IKZF3: variants seen among roughly 807,000 people sequenced by gnomAD.
IKZF3 encodes IKAROS family zinc finger 3.
A neutral mutation model predicts 49.0 loss-of-function variants in IKZF3; 10 were observed. The ratio of observed to expected loss-of-function variants is 0.20; its 90% CI spans 0.13 to 0.35. IKZF3 has a LOEUF of 0.35. Among genes scored for constraint, IKZF3 ranks in the 10% least tolerant of loss-of-function variants. IKZF3 has a pLI of 1.00. For synonymous variants in IKZF3, 209 were observed against 228.2 expected (o/e 0.92, Z 0.76); for missense variants, 498 against 664.8 (o/e 0.75, Z 2.76).
At chr17:39,846,783 A>C (rs2062645675) in intron 1 of IKZF3, among the ~76,000 whole-genome samples, 1 of 152,120 alleles carries the variant, frequency 6.6e-6, no homozygotes, top group African/African-American at 2.4e-5. Flanking sequence ...AATTAAGAAT[A>C]TTAGCTAACA....
intron 3 of IKZF3, among the ~76,000 whole-genome samples, chr17:39,823,111 T>C (rs566809369): frequency 6.6e-6 from 1 of 152,278 alleles, no homozygotes. Context: ...GTGGGAAAGC[T>C]TGGAACTTCC....
At chr17:39,835,813 C>T in intron 1 of IKZF3, 2 of 531,458 alleles carry the variant, frequency 3.8e-6, no homozygotes, top group East Asian at 4.6e-5. Flanking sequence ...TCATCCACAT[C>T]CTTCTTGATG....
At chr17:39,802,345 A>G (rs972009959) in intron 3 of IKZF3, among the ~76,000 whole-genome samples, 3 of 151,756 alleles carry the variant, frequency 2.0e-5, no homozygotes, top group Non-Finnish European at 4.4e-5. Flanking sequence ...AATAGCTTAC[A>G]TCTGTAACTC....
chr17:39,837,445 CTT>C (rs765376491), intron 1 of IKZF3, among the ~76,000 whole-genome samples: 34 of 137,360 alleles, frequency 2.5e-4, no homozygotes, highest in Admixed American at 4.4e-4. Context: ...TTTCTTAAAA[CTT>C]TTTTTTTTTT....
At position 39,765,070 on chromosome 17, in the gene IKZF3, T is replaced by C. The variant is rs1278401726; in HGVS notation, c.*720A>G. ...TTTCTGGAGTTTCGATGATGGTCTA[T>C]ATTTAAAACCATGAGTTCTTCTGGC... is the stretch of plus-strand genomic sequence containing the variant. On this transcript the variant is annotated 3_prime_UTR_variant, in exon 8 of 8. Transcript: ENST00000346872. 6.6e-6 allele frequency: 1 copy of C among 152,396 alleles called. No homozygotes were observed. Among genetic ancestry groups the C allele is most frequent in the Non-Finnish European group, 1.5e-5 (1 of 68,042 alleles). 9.4% of individuals were successfully genotyped at this position (152,396 alleles called of 1,614,324 possible). A position where few individuals can be genotyped will look rare whatever the true frequency, so the allele number is the denominator to read the frequency against.
At chr17:39,864,013 A>C in intron 1 of IKZF3, 107 bp downstream of exon 1, 12 of 1,435,396 alleles carry the variant, frequency 8.4e-6, no homozygotes, top group South Asian at 1.1e-5. Flanking sequence ...TTTTGACAAA[A>C]GAAGTAAATA....
chr17:39,792,785 A>G lies in IKZF3; in HGVS notation c.312T>C (p.His104=), dbSNP rs775163621. ...GCCTGCTACTATCGAATGAGACAAC[A>G]TGTCTCTCCAACTTAATGTTTTCAT... ...NEYENIKLER[H]VVSFDSSRPT... The change falls in exon 4 of 8, where the codon CAT becomes CAC. Residue 104 remains histidine (H), a synonymous_variant. Transcript: ENST00000346872. 3.1e-6 allele frequency: 5 copies of G among 1,613,990 alleles called. No individual in the cohort carries two copies. Among genetic ancestry groups the G allele is most frequent in the Non-Finnish European group, 3.4e-6 (4 of 1,179,956 alleles).
chr17:39,785,690 A>C (rs571683219), intron 6 of IKZF3, among the ~76,000 whole-genome samples: 6 of 152,274 alleles, frequency 3.9e-5, no homozygotes, highest in Middle Eastern at 3.4e-3. Context: ...ATGTATATAC[A>C]TGTGTGTCTA....
At chr17:39,814,203 G>A (rs750441676) in intron 3 of IKZF3, among the ~76,000 whole-genome samples, 3 of 151,748 alleles carry the variant, frequency 2.0e-5, no homozygotes, top group Non-Finnish European at 4.4e-5. Context: ...TCTAATTAAA[G>A]TTCTTATCTT....
chr17:39,840,058 C>T (rs944204540), intron 1 of IKZF3, among the ~76,000 whole-genome samples: 1 of 152,174 alleles, frequency 6.6e-6, no homozygotes, highest in Non-Finnish European at 1.5e-5. Context: ...GACCAAATGT[C>T]CCAATATGCC....
intron 2 of IKZF3, 128 bp from the exon 3 acceptor site, chr17:39,829,616 C>T (rs923821495): frequency 9.4e-6 from 6 of 639,978 alleles, no homozygotes; most frequent in Non-Finnish European, 1.6e-5. Context: ...TACCCCTTCA[C>T]ACATACCCAA....
intron 1 of IKZF3, among the ~76,000 whole-genome samples, chr17:39,856,144 G>T (rs2144565730): frequency 6.6e-6 from 1 of 151,282 alleles, no homozygotes; most frequent in Non-Finnish European, 1.5e-5. Context: ...TCTTTTAAAT[G>T]CTTGTAAGGT....
In IKZF3 at chr17:39,849,385, G is replaced by A. The variant is rs186266254; in HGVS notation, c.7+14735C>T. ...TTAAAAAAAAAAAATCCAGCCAGGC[G>A]TGGTGGCTCATGCCTGTAATCCCAG... On this transcript the variant is annotated intron_variant, in intron 1 of 7. Coordinates refer to ENST00000346872, the MANE Select transcript of IKZF3 (RefSeq NM_012481.5). Among the ~76,000 whole-genome samples, 16 of 150,994 alleles carry A rather than the reference G, an allele frequency of 1.1e-4. No homozygotes were observed. In the East Asian group the frequency reaches 1.9e-3, roughly 18 times the overall value.
intron 3 of IKZF3, among the ~76,000 whole-genome samples, chr17:39,819,186 T>C (rs183415777): frequency 1.3e-5 from 2 of 152,336 alleles, no homozygotes; most frequent in Non-Finnish European, 2.9e-5. Context: ...TTTGAGTATT[T>C]AATCTGTTTT....
chr17:39,818,817 C>G (rs1292641961), intron 3 of IKZF3, among the ~76,000 whole-genome samples: 1 of 152,182 alleles, frequency 6.6e-6, no homozygotes, highest in East Asian at 1.9e-4. Flanking sequence ...GAGCTCGCAC[C>G]ACCGCACTCC....
chr17:39,766,888 GAC>G (rs1328229973), intron 7 of IKZF3, among the ~76,000 whole-genome samples: 1 of 152,126 alleles, frequency 6.6e-6, no homozygotes, highest in African/African-American at 2.4e-5. Context: ...GATCTCTTAA[GAC>G]ACAGTCGGCT....
At chr17:39,828,956 G>A (rs1324089769) in intron 3 of IKZF3, among the ~76,000 whole-genome samples, 1 of 152,022 alleles carries the variant, frequency 6.6e-6, no homozygotes, top group Non-Finnish European at 1.5e-5. Context: ...AGCCGAGATT[G>A]CGCCACTGCA....
At chr17:39,788,231 C>T (rs759837022) in intron 6 of IKZF3, 27 bp downstream of exon 6, 8 of 1,381,370 alleles carry the variant, frequency 5.8e-6, no homozygotes, top group Non-Finnish European at 8.3e-6. Context: ...AGCAGATGCT[C>T]ACTAAACGTG....
At chr17:39,834,538 G>T (rs150007818) in intron 1 of IKZF3, among the ~76,000 whole-genome samples, 1 of 152,078 alleles carries the variant, frequency 6.6e-6, no homozygotes, top group Non-Finnish European at 1.5e-5. Context: ...GGGGGAATTC[G>T]GGAATTCTTT....
Sources: allele counts gnomAD v4.1 joint callset (sites outside exome capture counted in the v4.1 genomes callset), GRCh38; gene constraint gnomAD v4.1.1; transcripts MANE v1.5; gene names NCBI Gene and HGNC (gene_info 2026-07-23, HGNC 2026-07-21).